ANXA1: variants seen among roughly 807,000 people sequenced by gnomAD.
The protein encoded by ANXA1 is annexin I (lipocortin I).
Under a neutral mutation model 47.9 loss-of-function variants are expected in ANXA1, and 39 were observed. The ratio of observed to expected loss-of-function variants is 0.81; its 90% CI spans 0.63 to 1.06. The LOEUF is 1.06. Among genes scored for constraint, ANXA1 ranks in the 50% least tolerant of loss-of-function variants. The pLI is 0.00. For synonymous variants in ANXA1, 146 were observed against 142.5 expected (o/e 1.02, Z -0.17); for missense variants, 446 against 422.7 (o/e 1.06, Z -0.48).
In ANXA1 at chr9:73,158,791, A is replaced by C. The variant is rs141175221; in HGVS notation, c.163A>C (p.Ile55Leu). 6.2e-7 allele frequency: 1 copy of C among 1,613,232 alleles called. No individual in the cohort carries two copies. The highest frequency in any genetic ancestry group is 8.5e-7 in the Non-Finnish European group (1 of 1,179,268). Reference sequence around the variant, plus strand: ...GGATGTCGCTGCCTTGCATAAGGCCATAATGGTTAAAGGTAACGTGTTTCC... The same window carrying C: ...GGATGTCGCTGCCTTGCATAAGGCCCTAATGGTTAAAGGTAACGTGTTTCC... ...SSDVAALHKA[I>L]MVKGVDEATI... Residue 55 changes from isoleucine (I) to leucine (L), a missense_variant, in exon 3 of 13, where the codon ATA becomes CTA. Physicochemically the swap from Ile to Leu is conservative, Grantham distance 5. Coordinates refer to ENST00000257497, the MANE Select transcript of ANXA1 (RefSeq NM_000700.3).
chr9:73,165,716 T>G (rs1398241550), intron 9 of ANXA1, among the ~76,000 whole-genome samples: 1 of 152,066 alleles, frequency 6.6e-6, no homozygotes, highest in Non-Finnish European at 1.5e-5. Flanking sequence ...TTCACCATCT[T>G]ATAATAGTAT....
Position 73,158,783 on chromosome 9 carries a change from A to C in ANXA1, c.155A>C (p.His52Pro). The C allele has an allele frequency of 6.2e-7, 1 of 1,613,640 alleles. No homozygotes were observed. The highest frequency in any genetic ancestry group is 2.2e-5 in the East Asian group (1 of 44,860). The change falls in exon 3 of 13, where the codon CAT becomes CCT. Residue 52 changes from histidine (H) to proline (P), a missense_variant. Coordinates refer to ENST00000257497, the MANE Select transcript of ANXA1 (RefSeq NM_000700.3). ...CCATCCTCGGATGTCGCTGCCTTGC[A>C]TAAGGCCATAATGGTTAAAGGTAAC... ...FNPSSDVAALHKAIMVKGVDE... is the reference protein window; with the variant it reads ...FNPSSDVAALPKAIMVKGVDE...
rs1345440807 is a variant in ANXA1, at chr9:73,167,659, A to G, written c.861+104A>G. 3 of 1,020,986 alleles carry G rather than the reference A, an allele frequency of 2.9e-6. No individual in the cohort carries two copies. The East Asian group carries it at 7.3e-5, about 25-fold the overall frequency. 63.2% of individuals were successfully genotyped at this position (1,020,986 alleles called of 1,614,324 possible). On this transcript the variant is annotated intron_variant, in intron 11 of 12. Transcript: ENST00000257497. The stretch of plus-strand genomic sequence containing the variant: ...AAAATCTCACATTTAATATCTTCCC[A>G]TTAATGAGAATCATTGTTCTATTTG...
chr9:73,167,476 T>G, intron 10 of ANXA1, 21 bp from the exon 11 acceptor site: 1 of 1,606,824 alleles, frequency 6.2e-7, no homozygotes, highest in Non-Finnish European at 8.5e-7. Context: ...ATACATCAAC[T>G]AAAATTTTCT....
At chr9:73,169,175 T>A in intron 12 of ANXA1, 21 bp downstream of exon 12, 3 of 1,581,870 alleles carry the variant, frequency 1.9e-6, no homozygotes, top group Non-Finnish European at 2.6e-6. Context: ...ATTCCTCTAA[T>A]GCCATCCCAA....
At chr9:73,166,571 T>A in intron 10 of ANXA1, among the ~76,000 whole-genome samples, 1 of 152,110 alleles carries the variant, frequency 6.6e-6, no homozygotes, top group East Asian at 1.9e-4. Flanking sequence ...TTGTTAATTG[T>A]ACAATCTTGG....
At chr9:73,159,988 C>T (rs1346121910) in intron 4 of ANXA1, 2 of 241,830 alleles carry the variant, frequency 8.3e-6, no homozygotes, top group East Asian at 1.6e-4. Flanking sequence ...GTGTTTTGAT[C>T]TTTGTGATTT....
At position 73,163,401 on chromosome 9, in the gene ANXA1, G is replaced by A. The variant is rs952749355; in HGVS notation, c.556-75G>A. Reference sequence around the variant, plus strand: ...TTTTCTCAAAAAATATTATTTATCTGAGTTTAAGATAATTAAGTAAATCAT... The same window carrying A: ...TTTTCTCAAAAAATATTATTTATCTAAGTTTAAGATAATTAAGTAAATCAT... On this transcript the variant is annotated intron_variant, in intron 7 of 12. Transcript: ENST00000257497. The A allele has an allele frequency of 1.0e-5, 14 of 1,376,086 alleles. No individual in the cohort carries two copies. The African/African-American group carries it at 2.0e-4, about 20-fold the overall frequency. 85.2% of individuals were successfully genotyped at this position (1,376,086 alleles called of 1,614,324 possible).
chr9:73,169,443 A>C (rs889045087), intron 12 of ANXA1, among the ~76,000 whole-genome samples: 2 of 152,158 alleles, frequency 1.3e-5, no homozygotes, highest in South Asian at 4.1e-4. Context: ...GGGTAGATAG[A>C]CATTGTGGTT....
intron 1 of ANXA1, among the ~76,000 whole-genome samples, chr9:73,152,433 G>C (rs919930304): frequency 6.6e-6 from 1 of 152,070 alleles, no homozygotes; most frequent in African/African-American, 2.4e-5. Context: ...GATAGATTCA[G>C]ACCTCAAAGT....
intron 1 of ANXA1, 69 bp from the exon 2 acceptor site, chr9:73,158,453 G>A: frequency 8.5e-7 from 1 of 1,175,400 alleles, no homozygotes. Context: ...ATGTATGTAA[G>A]AGGTGAGGAA....
intron 11 of ANXA1, chr9:73,168,182 G>A (rs532389917): frequency 6.6e-6 from 1 of 152,020 alleles, no homozygotes; most frequent in East Asian, 1.9e-4. Context: ...GAGAAAGAAA[G>A]ATCTAACTAT....
chr9:73,160,487 GT>G, intron 5 of ANXA1, 111 bp downstream of exon 5: 1 of 684,580 alleles, frequency 1.5e-6, no homozygotes. Flanking sequence ...ATCAGTGGGA[GT>G]TTGAAGAATA....
At chr9:73,168,839 G>A in intron 11 of ANXA1, 193 bp from the exon 12 acceptor site, 6 of 481,552 alleles carry the variant, frequency 1.2e-5, no homozygotes, top group Non-Finnish European at 2.1e-5. Context: ...TACCGCTAAT[G>A]TAGAGGATTA....
intron 5 of ANXA1, 43 bp downstream of exon 5, chr9:73,160,419 G>T: frequency 7.3e-7 from 1 of 1,369,886 alleles, no homozygotes; most frequent in Non-Finnish European, 1.0e-6. Flanking sequence ...TCAAGAGGAT[G>T]TATTGGGCAA....
Position 73,160,251 on chromosome 9 carries a change from T to G in ANXA1, c.271-12T>G, listed in dbSNP as rs1253171707. Reference sequence around the variant, plus strand: ...TTATTGGAAGTCCTGATTCTAATCTTTTTTTTTGTAGCCCCTGGATGAAAC... The same window carrying G: ...TTATTGGAAGTCCTGATTCTAATCTGTTTTTTTGTAGCCCCTGGATGAAAC... On this transcript the variant is annotated splice_polypyrimidine_tract_variant and intron_variant, in intron 4 of 12. Transcript: ENST00000257497. The G allele has an allele frequency of 1.3e-6, 2 of 1,534,942 alleles. No homozygotes were observed.
chr9:73,165,429 C>A, intron 9 of ANXA1: 6 of 350,480 alleles, frequency 1.7e-5, no homozygotes, highest in East Asian at 5.2e-5. Flanking sequence ...GCATGTGGAA[C>A]ATAATTTTGT....
chr9:73,158,893 G>T (rs1375072854), intron 3 of ANXA1, 90 bp downstream of exon 3: 2 of 1,025,022 alleles, frequency 2.0e-6, no homozygotes, highest in Non-Finnish European at 2.9e-6. Context: ...GCAATGGAAA[G>T]AATCTGTTTC....
rs759672522 is a variant in ANXA1 at position 73,169,101 on chromosome 9, A to C, written c.931A>C (p.Ile311Leu). ...CCGTTCTGAAATTGACATGAATGAT[A>C]TCAAAGCATTCTATCAGAAGATGTA... ...VSRSEIDMNDIKAFYQKMYGI... is the reference protein window; with the variant it reads ...VSRSEIDMNDLKAFYQKMYGI... The change falls in exon 12 of 13, where the codon ATC becomes CTC. Residue 311 changes from isoleucine (I) to leucine (L), a missense_variant. Transcript: ENST00000257497. The C allele has an allele frequency of 4.3e-5, 69 of 1,613,372 alleles. No individual in the cohort carries two copies. Among genetic ancestry groups the C allele is most frequent in the Non-Finnish European group, 5.5e-5 (65 of 1,179,558 alleles).
Sources: allele counts gnomAD v4.1 joint callset (sites outside exome capture counted in the v4.1 genomes callset), GRCh38; gene constraint gnomAD v4.1.1; transcripts MANE v1.5; gene names NCBI Gene and HGNC (gene_info 2026-07-23, HGNC 2026-07-21).